The following RBPJ variants were observed in gnomAD, a reference collection of about 807,000 sequenced individuals.
The protein encoded by RBPJ is recombining binding protein suppressor of hairless.
Under a neutral mutation model 67.8 loss-of-function variants are expected in RBPJ, and 9 were observed. The ratio of observed to expected loss-of-function variants is 0.13; its 90% CI spans 0.08 to 0.23. RBPJ has a LOEUF of 0.23. RBPJ is among the 10% of genes least tolerant of loss of function. The pLI, the probability that RBPJ is intolerant of heterozygous loss-of-function variation, is 1.00. For synonymous variants in RBPJ, 198 were observed against 203.3 expected (o/e 0.97, Z 0.22); for missense variants, 305 against 595.6 (o/e 0.51, Z 5.08).
chr4:26,143,590 A>G, the RBPJ span, among the ~76,000 whole-genome samples: 1 of 152,226 alleles, frequency 6.6e-6, no homozygotes, highest in Admixed American at 6.5e-5. Flanking sequence ...GTAAGCCACT[A>G]AGTTTGAGGT....
chr4:26,425,315 G>C (rs1735526284), intron 7 of RBPJ, among the ~76,000 whole-genome samples: 1 of 152,166 alleles, frequency 6.6e-6, no homozygotes, highest in Non-Finnish European at 1.5e-5. Flanking sequence ...GCCACGCATG[G>C]TGACTCACAC....
intron 1 of RBPJ, among the ~76,000 whole-genome samples, chr4:26,340,002 G>C (rs528876778): frequency 6.6e-6 from 1 of 151,580 alleles, no homozygotes; most frequent in Non-Finnish European, 1.5e-5. Flanking sequence ...CTGGGTGACA[G>C]AGCAAGACTC....
At chr4:26,395,660 C>T (rs1732045497) in intron 2 of RBPJ, among the ~76,000 whole-genome samples, 1 of 152,122 alleles carries the variant, frequency 6.6e-6, no homozygotes. Context: ...TCCCCATTAG[C>T]CATTAGTGGA....
chr4:26,189,044 T>G (rs536829658), intron 1 of RBPJ, among the ~76,000 whole-genome samples: 4 of 151,992 alleles, frequency 2.6e-5, no homozygotes, highest in African/African-American at 9.7e-5. Flanking sequence ...TGGGAGTAAA[T>G]GAGAATTATG....
At chr4:26,290,470 G>A (rs1045509246) in intron 1 of RBPJ, among the ~76,000 whole-genome samples, 1 of 150,564 alleles carries the variant, frequency 6.6e-6, no homozygotes, top group Non-Finnish European at 1.5e-5. Context: ...TGGCCTGGGT[G>A]TGAGAAGCAA....
intron 1 of RBPJ, among the ~76,000 whole-genome samples, chr4:26,181,019 G>A (rs926502900): frequency 3.9e-5 from 6 of 152,074 alleles, no homozygotes; most frequent in African/African-American, 7.2e-5. Context: ...TCTTTTGCCT[G>A]CCACCATGTA....
intron 1 of RBPJ, among the ~76,000 whole-genome samples, chr4:26,268,424 G>A (rs145099266): frequency 6.5e-4 from 99 of 152,284 alleles, no homozygotes; most frequent in African/African-American, 2.3e-3. Flanking sequence ...GGGAAATGAT[G>A]TCATTCTCTT....
intron 1 of RBPJ, among the ~76,000 whole-genome samples, chr4:26,309,493 T>C (rs1285189002): frequency 6.6e-6 from 1 of 152,208 alleles, no homozygotes; most frequent in Non-Finnish European, 1.5e-5. Context: ...CAATTAATTA[T>C]CAAAGCAACC....
chr4:26,301,225 A>G (rs1258626815), intron 1 of RBPJ, among the ~76,000 whole-genome samples: 1 of 152,182 alleles, frequency 6.6e-6, no homozygotes, highest in Non-Finnish European at 1.5e-5. Context: ...GTTATGAACT[A>G]AGATCTGACC....
At chr4:26,205,675 C>T (rs532791307) in intron 1 of RBPJ, among the ~76,000 whole-genome samples, 3 of 152,266 alleles carry the variant, frequency 2.0e-5, no homozygotes, top group Admixed American at 6.5e-5. Flanking sequence ...TCACTGTAAC[C>T]TCCACCTCCC....
At chr4:26,361,059 G>C (rs1033970486) in intron 1 of RBPJ, among the ~76,000 whole-genome samples, 1 of 129,336 alleles carries the variant, frequency 7.7e-6, no homozygotes, top group Non-Finnish European at 1.6e-5. Context: ...GTGTGTGTGC[G>C]TGTGTGTGTG....
At chr4:26,325,952 G>A (rs1256792598) in intron 1 of RBPJ, among the ~76,000 whole-genome samples, 1 of 152,122 alleles carries the variant, frequency 6.6e-6, no homozygotes, top group Non-Finnish European at 1.5e-5. Context: ...TCTCTTGGAA[G>A]CATGATACTA....
intron 4 of RBPJ, among the ~76,000 whole-genome samples, chr4:26,417,222 C>G (rs527957392): frequency 7.0e-4 from 107 of 152,274 alleles, no homozygotes; most frequent in Admixed American, 1.8e-3. Context: ...CTTCATTGCT[C>G]ATTTTAACCA....
chr4:26,119,720 G>A, the RBPJ span, among the ~76,000 whole-genome samples: 4 of 152,174 alleles, frequency 2.6e-5, no homozygotes, highest in African/African-American at 7.2e-5. Context: ...ACCTCTCATA[G>A]GGTATAGGTC....
At chr4:26,409,858 A>T (rs1733847241) in intron 3 of RBPJ, among the ~76,000 whole-genome samples, 1 of 152,194 alleles carries the variant, frequency 6.6e-6, no homozygotes, top group Non-Finnish European at 1.5e-5. Flanking sequence ...CCCAGTCAAA[A>T]GAAAGCTTTA....
At chr4:26,314,210 G>T (rs1467677949) in intron 1 of RBPJ, among the ~76,000 whole-genome samples, 2 of 151,792 alleles carry the variant, frequency 1.3e-5, no homozygotes, top group Non-Finnish European at 2.9e-5. Flanking sequence ...AGCAGCCTCT[G>T]CTTATTAATA....
intron 1 of RBPJ, among the ~76,000 whole-genome samples, chr4:26,245,401 G>T (rs1719894943): frequency 6.6e-6 from 1 of 151,872 alleles, no homozygotes; most frequent in Admixed American, 6.6e-5. Context: ...TGGAGACGGG[G>T]TTTCACCATG....
chr4:26,390,744 C>G (rs1577591269), intron 2 of RBPJ, among the ~76,000 whole-genome samples: 1 of 152,174 alleles, frequency 6.6e-6, no homozygotes, highest in East Asian at 1.9e-4. Flanking sequence ...AAATGTTCTT[C>G]AGGTAGAAGA....
chr4:26,410,863 G>GT (rs1733941028), intron 3 of RBPJ, among the ~76,000 whole-genome samples: 1 of 152,194 alleles, frequency 6.6e-6, no homozygotes, highest in South Asian at 2.1e-4. Context: ...TGTGAAAGGA[G>GT]TAAAATTTTA....
Sources: gnomAD v4.1 joint callset for allele counts (sites outside exome capture counted in the v4.1 genomes callset) on GRCh38, gnomAD v4.1.1 for gene constraint, MANE v1.5 for transcripts, NCBI Gene and HGNC (gene_info 2026-07-23, HGNC 2026-07-21) for gene names.